The following TCF7L1 variants were observed in gnomAD, a reference collection of about 807,000 sequenced individuals.
TCF7L1 encodes the protein transcription factor 7 like 1, also known as transcription factor 7-like 1.
A neutral mutation model predicts 63.7 loss-of-function variants in TCF7L1; 18 were observed. That is an observed-to-expected ratio of 0.28 (90% CI 0.20 to 0.42). The LOEUF is 0.42. Among genes scored for constraint, TCF7L1 ranks in the 10% least tolerant of loss-of-function variants. TCF7L1 has a pLI of 1.00. For synonymous variants in TCF7L1, 355 were observed against 340.9 expected, an observed-to-expected ratio of 1.04 and a Z score of -0.46; for missense variants, 654 against 779.3, an observed-to-expected ratio of 0.84 and a Z score of 1.91.
At chr2:85,184,510 C>G (rs1419040018) in intron 3 of TCF7L1, among the ~76,000 whole-genome samples, 1 of 152,156 alleles carries the variant, frequency 6.6e-6, no homozygotes, top group Non-Finnish European at 1.5e-5. Flanking sequence ...GGTCTATAGT[C>G]CTTGGTGGTT....
chr2:85,153,907 C>T (rs1321263355), intron 3 of TCF7L1, among the ~76,000 whole-genome samples: 1 of 152,180 alleles, frequency 6.6e-6, no homozygotes, highest in African/African-American at 2.4e-5. Context: ...AAGCTGTCTT[C>T]CTCTTAGACA....
At chr2:85,245,359 C>G (rs1280708195) in intron 3 of TCF7L1, among the ~76,000 whole-genome samples, 1 of 152,184 alleles carries the variant, frequency 6.6e-6, no homozygotes, top group East Asian at 1.9e-4. Flanking sequence ...GAAGGCAAGC[C>G]TCTTCACTGG....
At chr2:85,293,057 G>C (rs898387990) in intron 4 of TCF7L1, among the ~76,000 whole-genome samples, 3 of 152,208 alleles carry the variant, frequency 2.0e-5, no homozygotes, top group African/African-American at 7.2e-5. Flanking sequence ...GGCTATCCAG[G>C]TCATGTCCTT....
chr2:85,135,158 T>A (rs1021650020), intron 3 of TCF7L1, among the ~76,000 whole-genome samples: 2 of 152,168 alleles, frequency 1.3e-5, no homozygotes, highest in Non-Finnish European at 2.9e-5. Context: ...GAGCGGTGAT[T>A]AAGCAAATTG....
At chr2:85,226,205 G>A (rs1019032361) in intron 3 of TCF7L1, among the ~76,000 whole-genome samples, 1 of 152,158 alleles carries the variant, frequency 6.6e-6, no homozygotes, top group Admixed American at 6.5e-5. Context: ...TCTTCGCATC[G>A]ATGTTCATCA....
chr2:85,215,184 C>G (rs558139025), intron 3 of TCF7L1, among the ~76,000 whole-genome samples: 10 of 152,204 alleles, frequency 6.6e-5, no homozygotes. Flanking sequence ...AAAACAGTTG[C>G]CCTCTCTCAG....
rs552679972 is a variant in TCF7L1, at chr2:85,262,282, C to A, written c.442-21213C>A. On this transcript the variant is annotated intron_variant, in intron 3 of 11. Transcript: ENST00000282111. ...AGGTTGATGGGCGCATCTTCACCTT[C>A]TGCACTTTCTGGCCCTGGCCATGGT... 5.3e-4 allele frequency: 296 copies of A among 556,838 alleles called. 7 individuals are homozygous for A. The highest frequency in any genetic ancestry group is 4.0e-3 in the South Asian group (289 of 72,190). The allele number at this position is 556,838 out of a possible 1,614,324, so 34.5% of individuals were successfully genotyped here. A position where few individuals can be genotyped will look rare whatever the true frequency, so the allele number is the denominator to read the frequency against.
chr2:85,282,728 G>A (rs1681446153), intron 3 of TCF7L1, among the ~76,000 whole-genome samples: 2 of 151,448 alleles, frequency 1.3e-5, no homozygotes, highest in Non-Finnish European at 2.9e-5. Context: ...CCTGACTGCT[G>A]CTCCACTCAA....
Position 85,253,451 on chromosome 2 carries a change from G to A in TCF7L1, c.442-30044G>A, listed in dbSNP as rs535942083. 4.9e-4 allele frequency among the ~76,000 whole-genome samples: 74 copies of A among 152,302 alleles called. 1 individual carries two copies. Among genetic ancestry groups the A allele is most frequent in the African/African-American group, 1.6e-3 (67 of 41,546 alleles). On this transcript the variant is annotated intron_variant, in intron 3 of 11. Transcript: ENST00000282111. ...TGTCCTGAGTAGGCTGGTTCATGCT[G>A]GCAAGTCAATGCAGAAATATTGATC...
intron 3 of TCF7L1, chr2:85,262,372 C>A: frequency 3.6e-5 from 15 of 421,454 alleles, no homozygotes; most frequent in Non-Finnish European, 4.8e-5. Context: ...CTTCCAGAAT[C>A]AAGACACCGT....
intron 3 of TCF7L1, among the ~76,000 whole-genome samples, chr2:85,177,073 G>A (rs928507590): frequency 6.6e-6 from 1 of 152,034 alleles, no homozygotes; most frequent in Admixed American, 6.6e-5. Context: ...CTCATAGTTT[G>A]GGAGGATAGA....
intron 3 of TCF7L1, among the ~76,000 whole-genome samples, chr2:85,240,728 A>G (rs1448546877): frequency 2.6e-5 from 4 of 151,510 alleles, no homozygotes; most frequent in Non-Finnish European, 4.4e-5. Context: ...GTGAGCCAAG[A>G]TCACACCAGT....
At position 85,133,630 on chromosome 2, in the gene TCF7L1, A is replaced by C. The variant is rs1447017966; in HGVS notation, c.-55A>C. ...GGAGGGGCGCCGGGCCGGGCCGGGCAGGGCGCGGGCGGCTAGGGGCTCCGA... is the reference window on the plus strand; with the variant it reads ...GGAGGGGCGCCGGGCCGGGCCGGGCCGGGCGCGGGCGGCTAGGGGCTCCGA... On this transcript the variant is annotated 5_prime_UTR_variant, in exon 1 of 12. Transcript: ENST00000282111. This position sits in a 1 kb window ranked among gnomAD's most constrained non-coding sequence, Gnocchi z 4.4. 2.8e-6 allele frequency: 2 copies of C among 713,566 alleles called. No homozygotes were observed. The highest frequency in any genetic ancestry group is 3.4e-6 in the Non-Finnish European group (2 of 583,914). The allele number at this position is 713,566 out of a possible 1,614,324, so 44.2% of individuals were successfully genotyped here.
At chr2:85,169,024 A>G (rs74457100) in intron 3 of TCF7L1, among the ~76,000 whole-genome samples, 6,042 of 152,244 alleles carry the variant, frequency 0.04, 137 homozygotes, top group Middle Eastern at 0.071. Context: ...CCTCCATTCA[A>G]CTTCCCTTGC....
At chr2:85,135,780 A>AGAGG (rs1236388750) in intron 3 of TCF7L1, among the ~76,000 whole-genome samples, 13 of 134,084 alleles carry the variant, frequency 9.7e-5, no homozygotes, top group African/African-American at 3.0e-4. Flanking sequence ...TTTTGCCCCG[A>AGAGG]GAGGGAGGGA....
chr2:85,304,361 T>C, intron 7 of TCF7L1, 23 bp downstream of exon 7: 1 of 1,609,520 alleles, frequency 6.2e-7, no homozygotes, highest in South Asian at 1.1e-5. Flanking sequence ...GCTGGGGCTG[T>C]CCGCATGTTT....
intron 3 of TCF7L1, among the ~76,000 whole-genome samples, chr2:85,147,842 A>T (rs1250613291): frequency 6.6e-6 from 1 of 152,208 alleles, no homozygotes; most frequent in Non-Finnish European, 1.5e-5. Context: ...TACATTGGAT[A>T]TACAGATGCG....
In TCF7L1 at chr2:85,308,414, CCCTT is replaced by C. The variant is rs1451306276; in HGVS notation, c.1334-612_1334-609del. Among the ~76,000 whole-genome samples the C allele has an allele frequency of 1.5e-3, 169 of 112,948 alleles. 4 individuals carry two copies. Among genetic ancestry groups the C allele is most frequent in the African/African-American group, 4.7e-3 (92 of 19,514 alleles). The allele number at this position is 112,948 out of a possible 152,430, so 74.1% of individuals were successfully genotyped here. On this transcript the variant is annotated intron_variant, in intron 11 of 11. Coordinates refer to ENST00000282111, the MANE Select transcript of TCF7L1 (RefSeq NM_031283.3). ...CTCCCATTCTCCTTCCCTCCCTTTC[CCCTT>C]CCCTCCCTCCTTTTCTCCCTCCCTT...
At chr2:85,280,882 A>C (rs557727319) in intron 3 of TCF7L1, among the ~76,000 whole-genome samples, 1 of 152,138 alleles carries the variant, frequency 6.6e-6, no homozygotes, top group African/African-American at 2.4e-5. Flanking sequence ...AGAGTTGAGG[A>C]AGACAGTCTT....
Sources: gnomAD v4.1 joint callset for allele counts (sites outside exome capture counted in the v4.1 genomes callset) on GRCh38, gnomAD v4.1.1 for gene constraint, Gnocchi (gnomAD v3.1) non-coding constraint, MANE v1.5 for transcripts, NCBI Gene and HGNC (gene_info 2026-07-23, HGNC 2026-07-21) for gene names.